The following SLC9C1 variants were observed in gnomAD, a reference collection of about 807,000 sequenced individuals.
SLC9C1 encodes the protein solute carrier family 9 member C1, also known as sodium/hydrogen exchanger 10.
Under a neutral mutation model 140.9 loss-of-function variants are expected in SLC9C1, and 97 were observed. The ratio of observed to expected loss-of-function variants is 0.69; its 90% CI spans 0.58 to 0.82. The LOEUF is 0.82. SLC9C1 is among the 40% of genes least tolerant of loss of function. The pLI is 0.00. For synonymous variants in SLC9C1, 440 were observed against 442.6 expected, an observed-to-expected ratio of 0.99 and a Z score of 0.07; for missense variants, 1,340 against 1,389.3, an observed-to-expected ratio of 0.96 and a Z score of 0.56.
intron 10 of SLC9C1, among the ~76,000 whole-genome samples, chr3:112,248,386 G>C (rs1424554746): frequency 6.6e-6 from 1 of 152,062 alleles, no homozygotes; most frequent in East Asian, 1.9e-4. Flanking sequence ...GATAATAAAT[G>C]TTTCTTGTTT....
intron 26 of SLC9C1, among the ~76,000 whole-genome samples, chr3:112,161,554 C>A (rs1290735086): frequency 3.3e-5 from 5 of 152,132 alleles, no homozygotes; most frequent in Non-Finnish European, 5.9e-5. Context: ...TTATTTTTCT[C>A]AGGTTTGTCA....
chr3:112,212,619 A>G (rs1277423199), intron 15 of SLC9C1, among the ~76,000 whole-genome samples: 1 of 152,240 alleles, frequency 6.6e-6, no homozygotes, highest in Non-Finnish European at 1.5e-5. Flanking sequence ...ATTGAAGATC[A>G]AATAAATGAA....
At chr3:112,218,176 T>A (rs1156305853) in intron 14 of SLC9C1, among the ~76,000 whole-genome samples, 1 of 8,850 alleles carries the variant, frequency 1.1e-4, no homozygotes, top group African/African-American at 3.4e-4. Context: ...TCTGCTAGGT[T>A]TTTTTTTTTT....
intron 10 of SLC9C1, among the ~76,000 whole-genome samples, chr3:112,257,202 T>C (rs1237887383): frequency 6.6e-6 from 1 of 152,144 alleles, no homozygotes. Flanking sequence ...AAATCTATTT[T>C]AAAATTCGTA....
intron 10 of SLC9C1, among the ~76,000 whole-genome samples, chr3:112,259,945 G>T (rs540202130): frequency 1.4e-4 from 22 of 152,078 alleles, no homozygotes; most frequent in Admixed American, 4.6e-4. Context: ...ATCATGAATG[G>T]ATTTTACATT....
rs758138433 is a variant in SLC9C1 at position 112,204,346 on chromosome 3, T to C, written c.2044A>G (p.Ile682Val). The change falls in exon 17 of 29, where the codon ATT becomes GTT. Residue 682 changes from isoleucine (I) to valine (V), a missense_variant. Coordinates refer to ENST00000305815, the MANE Select transcript of SLC9C1 (RefSeq NM_183061.3). ...SHAWNIFELA[I>V]TLIGILHVIL... ...ACATGTAAGATGCCAATTAATGTAA[T>C]TGCTAACTCGAATATGTTCCAGGCA... The C allele has an allele frequency of 3.2e-6, 5 of 1,574,816 alleles. No homozygotes were observed. Among genetic ancestry groups the C allele is most frequent in the Admixed American group, 3.9e-5 (2 of 51,564 alleles).
At chr3:112,202,450 T>C (rs2077930241) in intron 17 of SLC9C1, 51 bp from the exon 18 acceptor site, 1 of 1,517,896 alleles carries the variant, frequency 6.6e-7, no homozygotes, top group Non-Finnish European at 8.9e-7. Flanking sequence ...TATCATTTTA[T>C]GATATGTTGA....
At chr3:112,143,547 T>C (rs746333524) in intron 28 of SLC9C1, among the ~76,000 whole-genome samples, 1 of 152,194 alleles carries the variant, frequency 6.6e-6, no homozygotes, top group East Asian at 1.9e-4. Flanking sequence ...ATTTGAGAAG[T>C]GTCTGTCTAT....
chr3:112,267,618 T>A (rs1354614609), intron 7 of SLC9C1, among the ~76,000 whole-genome samples: 5 of 137,486 alleles, frequency 3.6e-5, no homozygotes, highest in East Asian at 2.3e-4. Flanking sequence ...GAGAAGGAAA[T>A]TTTAAAACCA....
intron 25 of SLC9C1, among the ~76,000 whole-genome samples, chr3:112,168,568 A>G (rs1268543521): frequency 1.3e-5 from 2 of 152,306 alleles, no homozygotes; most frequent in East Asian, 3.9e-4. Flanking sequence ...AAATAAATGC[A>G]CCCTCTTTTG....
intron 10 of SLC9C1, 80 bp from the exon 11 acceptor site, chr3:112,244,156 C>A: frequency 1.2e-6 from 1 of 852,082 alleles, no homozygotes; most frequent in Non-Finnish European, 1.7e-6. Flanking sequence ...ATAAATTAAG[C>A]TATTTTCCAA....
At chr3:112,253,687 G>A (rs1301144433) in intron 10 of SLC9C1, among the ~76,000 whole-genome samples, 1 of 152,170 alleles carries the variant, frequency 6.6e-6, no homozygotes, top group African/African-American at 2.4e-5. Flanking sequence ...AAGAACCAAT[G>A]CAAGAACTCT....
intron 6 of SLC9C1, among the ~76,000 whole-genome samples, chr3:112,272,661 T>A (rs962139337): frequency 2.0e-5 from 3 of 152,148 alleles, no homozygotes; most frequent in Admixed American, 2.0e-4. Context: ...TACAGCAGAG[T>A]TTTTACTGTT....
chr3:112,213,405 G>A (rs2078263558), intron 15 of SLC9C1, among the ~76,000 whole-genome samples: 1 of 152,126 alleles, frequency 6.6e-6, no homozygotes, highest in African/African-American at 2.4e-5. Context: ...AAAAGACACA[G>A]ACGGGCAAGT....
Position 112,287,595 on chromosome 3 carries a change from C to T in SLC9C1, c.-87-717G>A, listed in dbSNP as rs138844721. On this transcript the variant is annotated intron_variant, in intron 1 of 28. Transcript: ENST00000305815. ...AGAGTTTGAAACAATAGACAGTTAA[C>T]CACAGTCAGGCAATCTCGCCTGCTT... Among the ~76,000 whole-genome samples the T allele has an allele frequency of 8.7e-4, 133 of 152,270 alleles. 1 individual carries two copies. In the East Asian group the frequency reaches 0.011, roughly 12 times the overall value.
intron 13 of SLC9C1, among the ~76,000 whole-genome samples, chr3:112,230,585 AG>A (rs773721485): frequency 3.9e-5 from 6 of 152,198 alleles, no homozygotes; most frequent in Non-Finnish European, 4.4e-5. Context: ...TTGTCTGCTA[AG>A]ACTACTGTTG....
intron 13 of SLC9C1, among the ~76,000 whole-genome samples, chr3:112,223,589 A>G (rs1576381239): frequency 6.6e-6 from 1 of 152,162 alleles, no homozygotes; most frequent in South Asian, 2.1e-4. Context: ...AGAATGATAT[A>G]TCTCAATACA....
intron 20 of SLC9C1, among the ~76,000 whole-genome samples, chr3:112,183,371 C>T (rs1398537007): frequency 2.1e-4 from 6 of 28,860 alleles, no homozygotes; most frequent in African/African-American, 6.5e-4. Flanking sequence ...TTTTTTTTTT[C>T]AGCCAATCAC....
At chr3:112,190,508 AT>A (rs1560046131) in intron 20 of SLC9C1, among the ~76,000 whole-genome samples, 1 of 152,208 alleles carries the variant, frequency 6.6e-6, no homozygotes, top group Non-Finnish European at 1.5e-5. Flanking sequence ...TTAGTCTACC[AT>A]ATTTAAGTCT....
Sources: allele counts gnomAD v4.1 joint callset (sites outside exome capture counted in the v4.1 genomes callset), GRCh38; gene constraint gnomAD v4.1.1; transcripts MANE v1.5; gene names NCBI Gene and HGNC (gene_info 2026-07-23, HGNC 2026-07-21).